Variants in CNTNAP4 observed in about 807,000 individuals in gnomAD.
The protein encoded by CNTNAP4 is contactin associated protein family member 4.
Under a neutral mutation model 148.4 loss-of-function variants are expected in CNTNAP4, and 98 were observed. The observed-to-expected ratio is 0.66, with a 90% CI of 0.56 to 0.78. The LOEUF is 0.78. Among genes scored for constraint, CNTNAP4 ranks in the 30% least tolerant of loss-of-function variants. The pLI is 0.00. For synonymous variants in CNTNAP4, 730 were observed against 565.1 expected (o/e 1.29, Z -4.14); for missense variants, 1,935 against 1,565.6 (o/e 1.24, Z -3.98).
Position 76,448,940 on chromosome 16 carries a change from C to G in CNTNAP4, c.916C>G (p.Leu306Val). 1.2e-6 allele frequency: 2 copies of G among 1,612,346 alleles called. No homozygotes were observed. Among genetic ancestry groups the G allele is most frequent in the Non-Finnish European group, 1.7e-6 (2 of 1,178,758 alleles). The change falls in exon 6 of 24, where the codon CTT (leucine) becomes GTT (valine). Residue 306 changes from leucine (L) to valine (V), a missense_variant. Coordinates refer to ENST00000611870, the MANE Select transcript of CNTNAP4 (RefSeq NM_033401.5). ...HARGEFNLMNLDYEISFGGIP... is the reference protein window; with the variant it reads ...HARGEFNLMNVDYEISFGGIP... ...ACGGGGAGAATTCAATCTCATGAATCTTGATTATGAGGTGTGATGGTTATG... is the reference window on the plus strand; with the variant it reads ...ACGGGGAGAATTCAATCTCATGAATGTTGATTATGAGGTGTGATGGTTATG...
chr16:76,460,064 TAAAA>T (rs535814080), intron 8 of CNTNAP4, among the ~76,000 whole-genome samples: 1 of 152,198 alleles, frequency 6.6e-6, no homozygotes, highest in Non-Finnish European at 1.5e-5. Context: ...TTTCCTTTAT[TAAAA>T]AAACTTTTTA....
At chr16:76,351,264 A>T (rs2011704601) in intron 2 of CNTNAP4, among the ~76,000 whole-genome samples, 1 of 152,072 alleles carries the variant, frequency 6.6e-6, no homozygotes, top group Non-Finnish European at 1.5e-5. Context: ...TGTGTTTCCG[A>T]GGGCTATGCG....
intron 3 of CNTNAP4, among the ~76,000 whole-genome samples, chr16:76,379,877 C>T (rs948065286): frequency 1.3e-5 from 2 of 152,128 alleles, no homozygotes; most frequent in African/African-American, 4.8e-5. Flanking sequence ...AAGGATTTCT[C>T]TACTCTTAAG....
At chr16:76,382,982 T>A (rs573736781) in intron 3 of CNTNAP4, among the ~76,000 whole-genome samples, 1 of 152,260 alleles carries the variant, frequency 6.6e-6, no homozygotes, top group South Asian at 2.1e-4. Context: ...GACTGAAACA[T>A]CAAGTTAAAC....
At chr16:76,387,759 T>A (rs1341379642) in intron 3 of CNTNAP4, among the ~76,000 whole-genome samples, 1 of 152,168 alleles carries the variant, frequency 6.6e-6, no homozygotes, top group Non-Finnish European at 1.5e-5. Context: ...TAATAGTGGT[T>A]TAAATAAGGG....
In CNTNAP4 at chr16:76,484,408, T is replaced by C. The variant is rs183235545; in HGVS notation, c.1882+4870T>C. On this transcript the variant is annotated intron_variant, in intron 12 of 23. Transcript: ENST00000611870. ...ATTTAAAGCCACGTGGATAGCAAGA[T>C]GTTCAGAAACACAGATACCCAGAGA... Among the ~76,000 whole-genome samples, 16 of 151,868 alleles carry C rather than the reference T, an allele frequency of 1.1e-4. 1 individual carries two copies. Among genetic ancestry groups the C allele is most frequent in the Admixed American group, 9.2e-4 (14 of 15,240 alleles).
At chr16:76,340,864 C>A (rs1399148587) in intron 2 of CNTNAP4, among the ~76,000 whole-genome samples, 4 of 152,210 alleles carry the variant, frequency 2.6e-5, no homozygotes, top group African/African-American at 9.6e-5. Flanking sequence ...TGCCAATCAG[C>A]AATGTACTCC....
intron 3 of CNTNAP4, among the ~76,000 whole-genome samples, chr16:76,370,460 C>T (rs1458973797): frequency 1.3e-5 from 2 of 152,136 alleles, no homozygotes; most frequent in Non-Finnish European, 2.9e-5. Flanking sequence ...CAGCCACTAC[C>T]AAGTAGCAGC....
intron 15 of CNTNAP4, among the ~76,000 whole-genome samples, chr16:76,520,539 T>C (rs1387272213): frequency 6.6e-6 from 1 of 152,170 alleles, no homozygotes; most frequent in Non-Finnish European, 1.5e-5. Context: ...TAAGAGATAA[T>C]TTTGAATAAA....
chr16:76,413,218 G>C (rs2078859171), intron 3 of CNTNAP4, among the ~76,000 whole-genome samples: 1 of 151,106 alleles, frequency 6.6e-6, no homozygotes, highest in Non-Finnish European at 1.5e-5. Context: ...CTGTTTGTTT[G>C]TACCCGTTAA....
At chr16:76,544,267 T>C (rs1032610506) in intron 21 of CNTNAP4, among the ~76,000 whole-genome samples, 1 of 152,104 alleles carries the variant, frequency 6.6e-6, no homozygotes, top group African/African-American at 2.4e-5. Context: ...CTTAAGTATA[T>C]AACTGTCCCA....
chr16:76,361,451 G>A (rs985939868), intron 3 of CNTNAP4, among the ~76,000 whole-genome samples: 7 of 151,468 alleles, frequency 4.6e-5, no homozygotes, highest in Admixed American at 3.9e-4. Flanking sequence ...TGTCGTCAAA[G>A]TTTGTTTGTG....
In CNTNAP4 at chr16:76,467,534, T is replaced by A; in HGVS notation, c.1655+11T>A. 1 of 1,575,816 alleles carries A rather than the reference T, an allele frequency of 6.3e-7. No homozygotes were observed. Among genetic ancestry groups the A allele is most frequent in the Non-Finnish European group, 8.6e-7 (1 of 1,163,222 alleles). Reference sequence around the variant, plus strand: ...TGGCATCTCAGACAGGTAAGGGCAATCTCACTTCATTTTGACCTGCTTTCA... The same window carrying A: ...TGGCATCTCAGACAGGTAAGGGCAAACTCACTTCATTTTGACCTGCTTTCA... On this transcript the variant is annotated intron_variant, in intron 10 of 23. Coordinates refer to ENST00000611870, the MANE Select transcript of CNTNAP4 (RefSeq NM_033401.5).
intron 11 of CNTNAP4, among the ~76,000 whole-genome samples, chr16:76,477,636 T>A (rs1483151392): frequency 6.6e-6 from 1 of 152,116 alleles, no homozygotes; most frequent in Non-Finnish European, 1.5e-5. Context: ...AGGTGCCTCA[T>A]AAGATTTTTA....
chr16:76,411,105 G>A (rs968688610), intron 3 of CNTNAP4, among the ~76,000 whole-genome samples: 2 of 151,148 alleles, frequency 1.3e-5, no homozygotes, highest in African/African-American at 2.4e-5. Context: ...CCGTGATGAG[G>A]GTCATCAGTT....
chr16:76,393,392 A>G (rs956783292), intron 3 of CNTNAP4, among the ~76,000 whole-genome samples: 8 of 152,204 alleles, frequency 5.3e-5, no homozygotes, highest in Non-Finnish European at 8.8e-5. Context: ...CCCAGTGACA[A>G]TGATAGCAAC....
At chr16:76,523,909 G>T (rs1441857654) in intron 17 of CNTNAP4, among the ~76,000 whole-genome samples, 1 of 152,162 alleles carries the variant, frequency 6.6e-6, no homozygotes. Flanking sequence ...CATCCTGGGT[G>T]ACAGAGGGAG....
chr16:76,495,826 C>T (rs926335263), intron 14 of CNTNAP4, among the ~76,000 whole-genome samples: 2 of 151,972 alleles, frequency 1.3e-5, no homozygotes, highest in African/African-American at 2.4e-5. Context: ...CATAGTCAAT[C>T]TGGATGTAAT....
At chr16:76,355,621 C>T (rs887856131) in intron 3 of CNTNAP4, 110 bp downstream of exon 3, 3 of 697,034 alleles carry the variant, frequency 4.3e-6, no homozygotes, top group Non-Finnish European at 6.5e-6. Flanking sequence ...TGCAGACTTA[C>T]ATTGAAAACA....
Sources: gnomAD v4.1 joint callset for allele counts (sites outside exome capture counted in the v4.1 genomes callset) on GRCh38, gnomAD v4.1.1 for gene constraint, MANE v1.5 for transcripts, NCBI Gene and HGNC (gene_info 2026-07-23, HGNC 2026-07-21) for gene names.